Variants in CEP85L observed in about 807,000 individuals in gnomAD.
CEP85L encodes centrosomal protein 85L.
Under a neutral mutation model 100.3 loss-of-function variants are expected in CEP85L, and 60 were observed. The ratio of observed to expected loss-of-function variants is 0.60; its 90% CI spans 0.49 to 0.74. The LOEUF (loss-of-function observed/expected upper bound fraction) is 0.74. Among genes scored for constraint, CEP85L ranks in the 30% least tolerant of loss-of-function variants. The pLI, the probability that CEP85L is intolerant of heterozygous loss-of-function variation, is 0.00. For synonymous variants in CEP85L, 319 were observed against 322.7 expected (o/e 0.99, Z 0.12); for missense variants, 973 against 936.2 (o/e 1.04, Z -0.51).
At chr6:118,614,041 C>T (rs142828361) in intron 2 of CEP85L, among the ~76,000 whole-genome samples, 375 of 152,182 alleles carry the variant, frequency 2.5e-3, no homozygotes, top group Admixed American at 5.3e-3. Flanking sequence ...GACCAAGTGG[C>T]GCTTATTCCA....
At chr6:118,529,858 A>G (rs1310181124) in intron 3 of CEP85L, among the ~76,000 whole-genome samples, 3 of 152,110 alleles carry the variant, frequency 2.0e-5, no homozygotes, top group East Asian at 3.9e-4. Context: ...CCTTCAGACT[A>G]AAAGTTATTG....
At chr6:118,616,714 A>C (rs903743650) in intron 2 of CEP85L, among the ~76,000 whole-genome samples, 1 of 151,516 alleles carries the variant, frequency 6.6e-6, no homozygotes, top group African/African-American at 2.4e-5. Context: ...TGGGAGGCTG[A>C]GGCAGGTGGA....
At chr6:118,567,241 G>GTA (rs1779588263) in intron 2 of CEP85L, among the ~76,000 whole-genome samples, 16 of 38,146 alleles carry the variant, frequency 4.2e-4, no homozygotes, top group African/African-American at 1.5e-3. Flanking sequence ...GTGTGTGTGT[G>GTA]TGTGTGTGTA....
chr6:118,507,735 C>G (rs1368910128), intron 5 of CEP85L, among the ~76,000 whole-genome samples: 1 of 152,154 alleles, frequency 6.6e-6, no homozygotes, highest in Non-Finnish European at 1.5e-5. Flanking sequence ...AAACACTATT[C>G]CTTCACCCCC....
At chr6:118,597,409 A>G (rs1781512786) in intron 2 of CEP85L, among the ~76,000 whole-genome samples, 1 of 152,210 alleles carries the variant, frequency 6.6e-6, no homozygotes, top group Non-Finnish European at 1.5e-5. Flanking sequence ...TTAATAAAAA[A>G]TTGTTGGGGA....
intron 2 of CEP85L, among the ~76,000 whole-genome samples, chr6:118,573,136 C>G (rs184213760): frequency 1.3e-5 from 2 of 152,194 alleles, no homozygotes; most frequent in East Asian, 3.9e-4. Context: ...CAGAGCAGGA[C>G]TAAAGCTCAT....
intron 10 of CEP85L, among the ~76,000 whole-genome samples, chr6:118,478,635 C>T (rs1463240163): frequency 6.6e-6 from 1 of 152,104 alleles, no homozygotes; most frequent in Non-Finnish European, 1.5e-5. Context: ...AAATGCATCT[C>T]ATTAATTTTA....
Position 118,565,862 on chromosome 6 carries a change from C to G in CEP85L, c.687G>C (p.Lys229Asn). 1 of 1,614,062 alleles carries G rather than the reference C, an allele frequency of 6.2e-7. No individual in the cohort carries two copies. The highest frequency in any genetic ancestry group is 8.5e-7 in the Non-Finnish European group (1 of 1,180,014). Residue 229 changes from lysine to asparagine, a missense_variant, in exon 3 of 13, where the codon AAG becomes AAC. Lys to Asn is a moderately conservative substitution (Grantham distance 94). This residue lies in a region of CEP85L where 890 missense variants were observed against 844.5 expected (regional missense o/e 1.05). Transcript: ENST00000368491. ...CCTTGCTACAGCTCTCAAATTTATACTTGCAGTCCAGAGTTGATGACCGTT... is the reference window on the plus strand; with the variant it reads ...CCTTGCTACAGCTCTCAAATTTATAGTTGCAGTCCAGAGTTGATGACCGTT... The part of the protein sequence containing the change: ...NKKRSSTLDC[K>N]YKFESCSKED...
intron 3 of CEP85L, among the ~76,000 whole-genome samples, chr6:118,526,232 T>C (rs1051295339): frequency 1.3e-5 from 2 of 152,192 alleles, no homozygotes; most frequent in African/African-American, 4.8e-5. Context: ...TGTTAGCTGT[T>C]AGAATACTGA....
chr6:118,548,801 G>A (rs969604179), intron 3 of CEP85L, among the ~76,000 whole-genome samples: 4 of 152,034 alleles, frequency 2.6e-5, no homozygotes. Flanking sequence ...AAACAGTGCA[G>A]AACTGAGCTA....
At chr6:118,555,908 T>A (rs965709960) in intron 3 of CEP85L, among the ~76,000 whole-genome samples, 1 of 151,884 alleles carries the variant, frequency 6.6e-6, no homozygotes, top group Admixed American at 6.5e-5. Context: ...GGTATTTGGT[T>A]TTCTTTTCCT....
In CEP85L at chr6:118,558,923, T is replaced by C. The variant is rs727503374; in HGVS notation, c.1020+6606A>G. 1 of 1,613,488 alleles carries C rather than the reference T, an allele frequency of 6.2e-7. No individual in the cohort carries two copies. Among genetic ancestry groups the C allele is most frequent in the South Asian group, 1.1e-5 (1 of 91,070 alleles). On this transcript the variant is annotated intron_variant, in intron 3 of 12. Transcript: ENST00000368491. The stretch of plus-strand genomic sequence containing the variant: ...CAGACTTCCTGTCCTGCTGGTATCA[T>C]GGAGAAAGTCCAATACCTCACTCGC...
At chr6:118,517,597 G>A (rs1776356558) in intron 4 of CEP85L, among the ~76,000 whole-genome samples, 1 of 152,220 alleles carries the variant, frequency 6.6e-6, no homozygotes, top group African/African-American at 2.4e-5. Context: ...TGTATCCTGA[G>A]ACTTTGCTAA....
At chr6:118,507,647 A>G (rs1775735354) in intron 5 of CEP85L, among the ~76,000 whole-genome samples, 1 of 152,170 alleles carries the variant, frequency 6.6e-6, no homozygotes, top group Non-Finnish European at 1.5e-5. Context: ...TCCACACAGA[A>G]TAATTTGTAG....
intron 2 of CEP85L, among the ~76,000 whole-genome samples, chr6:118,625,075 C>T (rs1773697923): frequency 6.6e-6 from 1 of 152,238 alleles, no homozygotes; most frequent in African/African-American, 2.4e-5. Flanking sequence ...CAGTCCTAAA[C>T]ACCACCGGGA....
chr6:118,647,854 T>A (rs1314108073), intron 1 of CEP85L, among the ~76,000 whole-genome samples: 1 of 152,198 alleles, frequency 6.6e-6, no homozygotes, highest in Non-Finnish European at 1.5e-5. Context: ...ATCAACCAAA[T>A]GCATAAAAAG....
chr6:118,560,378 GAA>G (rs1481778913), intron 3 of CEP85L: 1 of 166,818 alleles, frequency 6.0e-6, no homozygotes, highest in Non-Finnish European at 1.5e-5. Flanking sequence ...AAAATCATAA[GAA>G]AGAGAAAATA....
intron 5 of CEP85L, among the ~76,000 whole-genome samples, chr6:118,507,994 G>A (rs1000809656): frequency 1.3e-5 from 2 of 152,130 alleles, no homozygotes; most frequent in African/African-American, 4.8e-5. Context: ...CAGCATAAAT[G>A]GAACCTTATC....
chr6:118,474,368 C>G (rs1018819866), intron 10 of CEP85L, among the ~76,000 whole-genome samples: 1 of 152,196 alleles, frequency 6.6e-6, no homozygotes, highest in African/African-American at 2.4e-5. Context: ...ACGGCTCCCT[C>G]TCCTCCCAGA....
Sources: allele counts gnomAD v4.1 joint callset (sites outside exome capture counted in the v4.1 genomes callset), GRCh38; gene constraint gnomAD v4.1.1; regional missense constraint gnomAD v4.1.1; transcripts MANE v1.5; gene names NCBI Gene and HGNC (gene_info 2026-07-23, HGNC 2026-07-21).